Variants in LRGUK observed in about 807,000 individuals in gnomAD.
LRGUK encodes leucine-rich repeat and guanylate kinase domain-containing protein.
A neutral mutation model predicts 76.0 loss-of-function variants in LRGUK; 65 were observed. The observed-to-expected ratio is 0.85, with a 90% CI of 0.70 to 1.05. The LOEUF (loss-of-function observed/expected upper bound fraction) is 1.05. LRGUK is among the 50% of genes least tolerant of loss of function. LRGUK has a pLI of 0.00. For missense variants in LRGUK, 758 were observed against 732.8 expected (o/e 1.03, Z -0.40); for synonymous variants, 268 against 265.6 (o/e 1.01, Z -0.09).
chr7:134,150,657 T>A (rs1038369470), intron 5 of LRGUK, among the ~76,000 whole-genome samples: 1 of 152,202 alleles, frequency 6.6e-6, no homozygotes, highest in African/African-American at 2.4e-5. Flanking sequence ...TTCTATGTTT[T>A]GGCATGAAAT....
At chr7:134,268,350 T>C (rs963756567), downstream of LRGUK, among the ~76,000 whole-genome samples, 11 of 152,126 alleles carry the variant, frequency 7.2e-5, no homozygotes, top group Admixed American at 7.2e-4. Context: ...CAACTCTACA[T>C]ATGTAATTTG....
downstream of LRGUK, among the ~76,000 whole-genome samples, chr7:134,213,503 G>A (rs1238419803): frequency 1.3e-5 from 2 of 152,148 alleles, no homozygotes; most frequent in African/African-American, 2.4e-5. Flanking sequence ...AGAGTTGTCC[G>A]TGTCTCATTT....
At chr7:134,237,694 A>G (rs1469494558) in intron 16 of LRGUK, among the ~76,000 whole-genome samples, 2 of 152,282 alleles carry the variant, frequency 1.3e-5, no homozygotes, top group East Asian at 3.9e-4. Context: ...TAAGTGAGAA[A>G]TGGTAGTGCA....
At chr7:134,231,507 C>T in intron 16 of LRGUK, among the ~76,000 whole-genome samples, 1 of 146,436 alleles carries the variant, frequency 6.8e-6, no homozygotes, top group Non-Finnish European at 1.5e-5. Flanking sequence ...TTCCTTCGTT[C>T]CTTCCTTCCT....
chr7:134,181,006 G>A (rs1200662697), intron 10 of LRGUK, among the ~76,000 whole-genome samples: 1 of 152,068 alleles, frequency 6.6e-6, no homozygotes, highest in Non-Finnish European at 1.5e-5. Flanking sequence ...AGAAAATAGT[G>A]TTGTACTATA....
At chr7:134,235,367 G>GATA (rs1801988659) in intron 16 of LRGUK, among the ~76,000 whole-genome samples, 1 of 151,646 alleles carries the variant, frequency 6.6e-6, no homozygotes, top group South Asian at 2.1e-4. Flanking sequence ...TCTTCTTTCT[G>GATA]GAACACTCTT....
chr7:134,128,511 T>G (rs1408570988), intron 1 of LRGUK, among the ~76,000 whole-genome samples: 1 of 152,230 alleles, frequency 6.6e-6, no homozygotes, highest in Non-Finnish European at 1.5e-5. Context: ...TTCTAATAAA[T>G]TGCTTTCTTT....
intron 1 of LRGUK, among the ~76,000 whole-genome samples, chr7:134,134,919 AT>A (rs113983953): frequency 0.01 from 1,574 of 151,052 alleles, 29 homozygotes; most frequent in African/African-American, 0.036. Flanking sequence ...TTTTATGTCC[AT>A]TTTTTTTTCT....
chr7:134,156,445 C>T (rs912130253), intron 5 of LRGUK, among the ~76,000 whole-genome samples: 5 of 151,886 alleles, frequency 3.3e-5, no homozygotes, highest in Non-Finnish European at 2.9e-5. Context: ...AAAAGAAATA[C>T]TTAAGATATT....
At chr7:134,144,457 A>T (rs1463601490) in intron 4 of LRGUK, among the ~76,000 whole-genome samples, 1 of 152,196 alleles carries the variant, frequency 6.6e-6, no homozygotes, top group Non-Finnish European at 1.5e-5. Context: ...TAAAGAGACC[A>T]TCAGGTGGCT....
intron 7 of LRGUK, among the ~76,000 whole-genome samples, chr7:134,172,832 TTAGC>T (rs1220543291): frequency 6.6e-6 from 1 of 151,572 alleles, no homozygotes; most frequent in Admixed American, 6.6e-5. Flanking sequence ...AATACAAAAA[TTAGC>T]TAGGCTTGGC....
At chr7:134,164,394 G>A (rs1798885204) in intron 7 of LRGUK, among the ~76,000 whole-genome samples, 1 of 152,098 alleles carries the variant, frequency 6.6e-6, no homozygotes, top group African/African-American at 2.4e-5. Flanking sequence ...CAAATTTTCA[G>A]GTCTGGCTTA....
At chr7:134,201,338 T>C (rs1023812281) in intron 14 of LRGUK, 143 bp from the exon 15 acceptor site, 12 of 614,672 alleles carry the variant, frequency 2.0e-5, no homozygotes, top group African/African-American at 3.7e-5. Context: ...AAAGGTGATG[T>C]GTCCTTAGGG....
intron 7 of LRGUK, among the ~76,000 whole-genome samples, chr7:134,169,133 GACACACACACACACACACACACAC>G (rs36204942): frequency 0.036 from 4,861 of 135,476 alleles, 204 homozygotes; most frequent in East Asian, 0.19. Context: ...AAGGGAAGAA[GACACACACACACACACACACACAC>G]ACACACACAC....
At chr7:134,192,883 C>T (rs1228235070) in intron 12 of LRGUK, among the ~76,000 whole-genome samples, 2 of 152,168 alleles carry the variant, frequency 1.3e-5, no homozygotes, top group East Asian at 3.8e-4. Context: ...GATTACCATC[C>T]AACTGGTGAT....
chr7:134,205,336 A>T (rs930336882), intron 15 of LRGUK, among the ~76,000 whole-genome samples: 1 of 151,884 alleles, frequency 6.6e-6, no homozygotes, highest in Admixed American at 6.6e-5. Context: ...CCAAGTCCCC[A>T]CTCGACCCAG....
chr7:134,247,752 C>A, intron 17 of LRGUK, 108 bp downstream of exon 17: 1 of 740,008 alleles, frequency 1.4e-6, no homozygotes, highest in Non-Finnish European at 2.2e-6. Context: ...CTAAAATGGA[C>A]CCAGTGTTTC....
At chr7:134,132,001 T>A (rs917634136) in intron 1 of LRGUK, among the ~76,000 whole-genome samples, 3 of 151,968 alleles carry the variant, frequency 2.0e-5, no homozygotes, top group Non-Finnish European at 4.4e-5. Flanking sequence ...GAAGGACTGG[T>A]AAGAGAAGTA....
chr7:134,240,417 A>C (rs1802116127), intron 16 of LRGUK, among the ~76,000 whole-genome samples: 1 of 152,262 alleles, frequency 6.6e-6, no homozygotes, highest in Non-Finnish European at 1.5e-5. Flanking sequence ...CACAAGCTTC[A>C]GTAGCCAATT....
Sources: allele counts gnomAD v4.1 joint callset (sites outside exome capture counted in the v4.1 genomes callset), GRCh38; gene constraint gnomAD v4.1.1; transcripts MANE v1.5; gene names NCBI Gene and HGNC (gene_info 2026-07-23, HGNC 2026-07-21).